IGF2R: variants seen among roughly 807,000 people sequenced by gnomAD.
IGF2R encodes cation-independent mannose-6-phosphate receptor.
A neutral mutation model predicts 270.6 loss-of-function variants in IGF2R; 91 were observed. That is an observed-to-expected ratio of 0.34 (90% CI 0.28 to 0.40). IGF2R has a LOEUF of 0.40. Among genes scored for constraint, IGF2R ranks in the 10% least tolerant of loss-of-function variants. IGF2R has a pLI of 1.00. For synonymous variants in IGF2R, 1,316 were observed against 1,258.9 expected (o/e 1.05, Z -0.96); for missense variants, 2,805 against 3,188.3 (o/e 0.88, Z 2.90).
chr6:160,016,739 AAGTCACCAC>A (rs1353970397), intron 4 of IGF2R, among the ~76,000 whole-genome samples: 8 of 152,268 alleles, frequency 5.3e-5, no homozygotes, highest in Admixed American at 1.3e-4. Context: ...ATGTTTGAGA[AAGTCACCAC>A]ACAAAGCCTA....
At chr6:159,979,310 G>C (rs1490599039) in intron 1 of IGF2R, among the ~76,000 whole-genome samples, 1 of 152,168 alleles carries the variant, frequency 6.6e-6, no homozygotes, top group Non-Finnish European at 1.5e-5. Context: ...CCTGCAAATA[G>C]AGTGCCAAGC....
intron 2 of IGF2R, among the ~76,000 whole-genome samples, chr6:159,993,023 T>C (rs1170529958): frequency 3.3e-5 from 5 of 152,236 alleles, no homozygotes; most frequent in Non-Finnish European, 5.9e-5. Context: ...TGGAACATTT[T>C]TACATATGCT....
chr6:160,041,232 C>T (rs969575974), intron 11 of IGF2R, among the ~76,000 whole-genome samples: 5 of 150,960 alleles, frequency 3.3e-5, no homozygotes, highest in Non-Finnish European at 7.4e-5. Flanking sequence ...GAATGGGAGT[C>T]TCAAGCAGGG....
intron 4 of IGF2R, among the ~76,000 whole-genome samples, chr6:160,012,791 GTTTA>G (rs1784359402): frequency 4.0e-5 from 5 of 124,482 alleles, no homozygotes; most frequent in African/African-American, 5.7e-5. Flanking sequence ...TTGTTTGTTT[GTTTA>G]TTTGTTTGTT....
At chr6:160,044,451 TC>T in intron 12 of IGF2R, 62 bp from the exon 13 acceptor site, 1 of 1,245,510 alleles carries the variant, frequency 8.0e-7, no homozygotes, top group South Asian at 1.3e-5. Flanking sequence ...TTAAGTCACT[TC>T]TTTGTCTGCG....
At position 160,027,243 on chromosome 6, in the gene IGF2R, C is replaced by T; in HGVS notation, c.705C>T (p.Cys235=). ...CCTGTCCCCCCGGCACTGCCGCCTG[C>T]CTGGTAAGAGGACACCAGGCGTTTG... ...LRACPPGTAA[C]LVRGHQAFDV... Residue 235 remains cysteine (C), a synonymous_variant, in exon 6 of 48, where the codon TGC becomes TGT. Coordinates refer to ENST00000356956, the MANE Select transcript of IGF2R (RefSeq NM_000876.4). The T allele has an allele frequency of 6.2e-7, 1 of 1,614,232 alleles. No individual in the cohort carries two copies. Among genetic ancestry groups the T allele is most frequent in the Non-Finnish European group, 8.5e-7 (1 of 1,180,032 alleles).
At chr6:160,092,461 A>G (rs1357782660) in intron 44 of IGF2R, among the ~76,000 whole-genome samples, 2 of 152,360 alleles carry the variant, frequency 1.3e-5, no homozygotes, top group African/African-American at 2.4e-5. Flanking sequence ...GTGCTTGTGC[A>G]TGCGCATTTA....
chr6:160,032,779 C>T lies in IGF2R; in HGVS notation c.1045+66C>T, dbSNP rs1777727051. The T allele has an allele frequency of 2.6e-6, 4 of 1,539,924 alleles. No individual in the cohort carries two copies. The Admixed American group carries it at 6.9e-5, about 27-fold the overall frequency. ...AAGGGGATCGAGAGAGGGAACGGGA[C>T]AGTAGGGGCCAAGTCAGTCCATGCA... On this transcript the variant is annotated intron_variant, in intron 8 of 47. Coordinates refer to ENST00000356956, the MANE Select transcript of IGF2R (RefSeq NM_000876.4).
At chr6:159,986,127 C>G (rs1167239135) in intron 1 of IGF2R, among the ~76,000 whole-genome samples, 1 of 152,024 alleles carries the variant, frequency 6.6e-6, no homozygotes, top group Admixed American at 6.6e-5. Flanking sequence ...CCGCTGGTTT[C>G]CTTCAGTTGA....
chr6:160,104,438 C>T (rs1779566425), intron 47 of IGF2R, among the ~76,000 whole-genome samples: 1 of 151,886 alleles, frequency 6.6e-6, no homozygotes, highest in African/African-American at 2.4e-5. Flanking sequence ...TGCCAAATGA[C>T]CCCACTGCCA....
In IGF2R at chr6:160,105,360, C is replaced by T. The variant is rs1204274087; in HGVS notation, c.*276C>T. On this transcript the variant is annotated 3_prime_UTR_variant, in exon 48 of 48. Coordinates refer to ENST00000356956, the MANE Select transcript of IGF2R (RefSeq NM_000876.4). Reference sequence around the variant, plus strand: ...AAGTCCTCATTTAAAAGCATAAGGCCGGACGCATCTCAAAACAGAGGGCTG... The same window carrying T: ...AAGTCCTCATTTAAAAGCATAAGGCTGGACGCATCTCAAAACAGAGGGCTG... The T allele has an allele frequency of 1.6e-5, 6 of 364,094 alleles. No individual in the cohort carries two copies. Among genetic ancestry groups the T allele is most frequent in the African/African-American group, 6.1e-5 (3 of 49,030 alleles). 22.6% of individuals were successfully genotyped at this position (364,094 alleles called of 1,614,324 possible). A position where few individuals can be genotyped will look rare whatever the true frequency, so the allele number is the denominator to read the frequency against.
At chr6:160,024,528 C>T in intron 4 of IGF2R, 44 bp from the exon 5 acceptor site, 1 of 1,600,206 alleles carries the variant, frequency 6.2e-7, no homozygotes, top group Non-Finnish European at 8.6e-7. Context: ...TCTGATTGAC[C>T]AAGATGTATA....
At chr6:160,073,660 T>C (rs1778793833) in intron 34 of IGF2R, 97 bp from the exon 35 acceptor site, 1 of 1,188,182 alleles carries the variant, frequency 8.4e-7, no homozygotes, top group South Asian at 1.5e-5. Flanking sequence ...TCTACTTTTT[T>C]TGTTGTTGTT....
At chr6:160,060,518 CTT>C in intron 22 of IGF2R, 27 bp from the exon 23 acceptor site, 1 of 1,612,360 alleles carries the variant, frequency 6.2e-7, no homozygotes, top group Non-Finnish European at 8.5e-7. Flanking sequence ...TGTTCTGTCT[CTT>C]AAAATCTGGG....
chr6:160,017,241 A>T (rs1265836552), intron 4 of IGF2R, among the ~76,000 whole-genome samples: 2 of 152,232 alleles, frequency 1.3e-5, no homozygotes, highest in African/African-American at 2.4e-5. Flanking sequence ...GAAAGTTTCA[A>T]CCATAGACTA....
At chr6:160,003,386 A>G (rs1784160185) in intron 2 of IGF2R, 1 of 152,206 alleles carries the variant, frequency 6.6e-6, no homozygotes, top group Non-Finnish European at 1.5e-5. Flanking sequence ...GTCTGGCAAT[A>G]CCTGTTAACA....
At position 160,032,588 on chromosome 6, in the gene IGF2R, G is replaced by T; in HGVS notation, c.920G>T (p.Arg307Leu). The T allele has an allele frequency of 6.2e-7, 1 of 1,614,080 alleles. No homozygotes were observed. Among genetic ancestry groups the T allele is most frequent in the Non-Finnish European group, 8.5e-7 (1 of 1,180,002 alleles). Reference protein sequence around the residue: ...IPKLTAKSNCRYEIEWITEYA... With the variant: ...IPKLTAKSNCLYEIEWITEYA... ...AAACTCACAGCTAAATCCAACTGCC[G>T]CTATGAAATTGAGTGGATTACTGAG... is the stretch of plus-strand genomic sequence containing the variant. The change falls in exon 8 of 48, where the codon CGC becomes CTC. Residue 307 changes from arginine (R) to leucine (L), a missense_variant. Around this residue, in one of 2 missense-constraint regions of IGF2R, gnomAD observed 954 missense variants for 981.1 expected, o/e 0.97. Coordinates refer to ENST00000356956, the MANE Select transcript of IGF2R (RefSeq NM_000876.4).
chr6:160,016,366 C>T (rs1777300701), intron 4 of IGF2R, among the ~76,000 whole-genome samples: 1 of 152,228 alleles, frequency 6.6e-6, no homozygotes, highest in Non-Finnish European at 1.5e-5. Flanking sequence ...ATGTGCTTGC[C>T]TGACCCAGCT....
At chr6:159,974,484 C>T (rs926247098) in intron 1 of IGF2R, among the ~76,000 whole-genome samples, 2 of 152,050 alleles carry the variant, frequency 1.3e-5, no homozygotes, top group African/African-American at 4.8e-5. Flanking sequence ...CAGTCTTTGC[C>T]TTGCCTTTAA....
Sources: allele counts gnomAD v4.1 joint callset (sites outside exome capture counted in the v4.1 genomes callset), GRCh38; gene constraint gnomAD v4.1.1; regional missense constraint gnomAD v4.1.1; transcripts MANE v1.5; gene names NCBI Gene and HGNC (gene_info 2026-07-23, HGNC 2026-07-21).